Variants in CNGB3 observed in about 807,000 individuals in gnomAD.
CNGB3 encodes cyclic nucleotide-gated channel beta-3.
A neutral mutation model predicts 92.8 loss-of-function variants in CNGB3; 86 were observed. The observed-to-expected ratio is 0.93, with a 90% CI of 0.78 to 1.11. The LOEUF (loss-of-function observed/expected upper bound fraction) is 1.11, where lower values mean the gene tolerates loss of function less well. CNGB3 is among the 50% of genes least tolerant of loss of function. CNGB3 has a pLI of 0.00. For synonymous variants in CNGB3, 333 were observed against 332.7 expected, an observed-to-expected ratio of 1.00 and a Z score of -0.01; for missense variants, 1,026 against 956.8, an observed-to-expected ratio of 1.07 and a Z score of -0.95.
intron 6 of CNGB3, among the ~76,000 whole-genome samples, chr8:86,662,733 A>T (rs1032590099): frequency 2.0e-5 from 3 of 151,916 alleles, no homozygotes; most frequent in African/African-American, 7.3e-5. Context: ...GGGCACAAGC[A>T]CTCTAGCAGG....
intron 15 of CNGB3, 97 bp downstream of exon 15, chr8:86,603,996 C>T: frequency 3.7e-6 from 3 of 819,178 alleles, no homozygotes; most frequent in Non-Finnish European, 6.3e-6. Context: ...ACAATCAAAC[C>T]TTTGATAAAT....
chr8:86,586,484 C>A (rs112079621), intron 15 of CNGB3, among the ~76,000 whole-genome samples: 8,982 of 120,082 alleles, frequency 0.075, 213 homozygotes, highest in Middle Eastern at 0.11. Flanking sequence ...TATCCCTCCC[C>A]CCTCCCCCCA....
At position 86,668,175 on chromosome 8, in the gene CNGB3, A is replaced by AG. The variant is rs763273522; in HGVS notation, c.494-8dup. 2.5e-5 allele frequency: 40 copies of AG among 1,602,110 alleles called. No individual in the cohort carries two copies. In the East Asian group the frequency reaches 3.0e-4, roughly 12 times the overall value. ...GGTACAGCCGTGGGCTTTGCTTCAT[A>AG]GGGAAAAAAAAAAAGATGAAACATT... On this transcript the variant is annotated splice_polypyrimidine_tract_variant and splice_region_variant and intron_variant, in intron 4 of 17. Transcript: ENST00000320005.
chr8:86,679,032 C>T (rs1291710497), intron 3 of CNGB3, among the ~76,000 whole-genome samples: 1 of 152,014 alleles, frequency 6.6e-6, no homozygotes, highest in African/African-American at 2.4e-5. Flanking sequence ...CATTTTTTCT[C>T]TGTGGAGTAG....
chr8:86,670,140 G>A (rs944871733), intron 4 of CNGB3, among the ~76,000 whole-genome samples: 2 of 152,240 alleles, frequency 1.3e-5, no homozygotes, highest in East Asian at 3.9e-4. Flanking sequence ...GAGCCACTAC[G>A]CCTGGCCAAT....
intron 4 of CNGB3, 72 bp downstream of exon 4, chr8:86,670,872 C>A (rs1368525849): frequency 1.3e-6 from 2 of 1,535,226 alleles, no homozygotes; most frequent in African/African-American, 2.7e-5. Context: ...GAGATCCAAA[C>A]TAAAACATCT....
intron 15 of CNGB3, 57 bp from the exon 16 acceptor site, chr8:86,579,309 C>A: frequency 6.3e-7 from 1 of 1,593,682 alleles, no homozygotes. Flanking sequence ...CCACTGAAAT[C>A]TCTTTAAAAA....
At chr8:86,689,550 A>T (rs976351407) in intron 3 of CNGB3, among the ~76,000 whole-genome samples, 18 of 138,270 alleles carry the variant, frequency 1.3e-4, no homozygotes, top group Admixed American at 8.3e-4. Flanking sequence ...TTATTTTTTT[A>T]TTTTTATTTT....
intron 13 of CNGB3, among the ~76,000 whole-genome samples, chr8:86,619,708 A>G (rs962237252): frequency 1.4e-5 from 2 of 147,000 alleles, no homozygotes; most frequent in African/African-American, 5.1e-5. Context: ...ATATCGCCAA[A>G]GGATTGCCTT....
chr8:86,645,692 G>C (rs904461737), intron 8 of CNGB3, among the ~76,000 whole-genome samples: 1 of 151,168 alleles, frequency 6.6e-6, no homozygotes. Flanking sequence ...ATACACAAAT[G>C]ATTTGTTTTT....
intron 3 of CNGB3, among the ~76,000 whole-genome samples, chr8:86,690,874 T>C (rs1824297994): frequency 6.6e-6 from 1 of 152,188 alleles, no homozygotes; most frequent in Non-Finnish European, 1.5e-5. Flanking sequence ...GTTGTAGATG[T>C]GTGGTGTTAT....
chr8:86,710,091 G>T (rs1824723414), intron 3 of CNGB3, among the ~76,000 whole-genome samples: 1 of 152,062 alleles, frequency 6.6e-6, no homozygotes, highest in African/African-American at 2.4e-5. Context: ...TTCCTTTCTT[G>T]TAAAGGAAGG....
chr8:86,726,582 C>G lies in CNGB3; in HGVS notation c.287G>C (p.Gly96Ala). The G allele has an allele frequency of 6.2e-7, 1 of 1,613,822 alleles. No individual in the cohort carries two copies. Among genetic ancestry groups the G allele is most frequent in the Non-Finnish European group, 8.5e-7 (1 of 1,179,808 alleles). Residue 96 changes from glycine to alanine, a missense_variant, in exon 3 of 18, where the codon GGA becomes GCA. Transcript: ENST00000320005. ...PDPQNAAEPTGTVPEQKEMDP... is the reference protein window; with the variant it reads ...PDPQNAAEPTATVPEQKEMDP... ...CATTTCCTTCTGCTCTGGCACTGTT[C>G]CAGTTGGTTCTGCTGCATTTTGAGG... is the stretch of plus-strand genomic sequence containing the variant.
intron 3 of CNGB3, among the ~76,000 whole-genome samples, chr8:86,687,239 A>T (rs6997989): frequency 0.14 from 21,225 of 152,038 alleles, 1,484 homozygotes; most frequent in African/African-American, 0.17. Context: ...TCAAAAAATT[A>T]ACCATAGAAT....
At chr8:86,661,887 A>C (rs1206838094) in intron 6 of CNGB3, 3 of 907,054 alleles carry the variant, frequency 3.3e-6, no homozygotes, top group Non-Finnish European at 5.5e-6. Context: ...ACAGTCCACA[A>C]ACCATATTGG....
intron 1 of CNGB3, among the ~76,000 whole-genome samples, chr8:86,742,980 C>T (rs2131686911): frequency 6.6e-6 from 1 of 152,310 alleles, no homozygotes; most frequent in East Asian, 1.9e-4. Flanking sequence ...GGATGTTGAG[C>T]AGCATCTGCA....
chr8:86,691,580 C>A (rs900458267), intron 3 of CNGB3, among the ~76,000 whole-genome samples: 38 of 152,030 alleles, frequency 2.5e-4, no homozygotes, highest in African/African-American at 8.4e-4. Context: ...TAGTATCTCC[C>A]ATTTTGTTTC....
chr8:86,577,420 C>T (rs1821681376), intron 17 of CNGB3, among the ~76,000 whole-genome samples: 1 of 152,076 alleles, frequency 6.6e-6, no homozygotes, highest in African/African-American at 2.4e-5. Flanking sequence ...ATTTATATAT[C>T]CATATGTATG....
chr8:86,724,346 A>G (rs573338901), intron 3 of CNGB3, among the ~76,000 whole-genome samples: 1 of 152,232 alleles, frequency 6.6e-6, no homozygotes, highest in African/African-American at 2.4e-5. Flanking sequence ...TGCTTTTATC[A>G]AGAATTCTGA....
Sources: allele counts gnomAD v4.1 joint callset (sites outside exome capture counted in the v4.1 genomes callset), GRCh38; gene constraint gnomAD v4.1.1; transcripts MANE v1.5; gene names NCBI Gene and HGNC (gene_info 2026-07-23, HGNC 2026-07-21).